The following AIFM1 variants were observed in gnomAD, a reference collection of about 807,000 sequenced individuals.
The protein encoded by AIFM1 is apoptosis-inducing factor 1, mitochondrial.
Under a neutral mutation model 51.7 loss-of-function variants are expected in AIFM1, and 3 were observed. That is an observed-to-expected ratio of 0.06 (90% CI 0.03 to 0.15). The LOEUF (loss-of-function observed/expected upper bound fraction) is 0.15, where lower values mean the gene tolerates loss of function less well. Ranked by LOEUF, AIFM1 falls within the 10% of genes least tolerant of loss-of-function variation. The pLI, the probability that AIFM1 is intolerant of heterozygous loss-of-function variation, is 1.00. For missense variants in AIFM1, 330 were observed against 476.8 expected (o/e 0.69, Z 2.87); for synonymous variants, 178 against 179.4 (o/e 0.99, Z 0.06).
chrX:130,165,541 G>A lies in AIFM1; in HGVS notation c.106+10C>T, dbSNP rs2031502459. On this transcript the variant is annotated intron_variant, in intron 1 of 15. Coordinates refer to ENST00000287295, the MANE Select transcript of AIFM1 (RefSeq NM_004208.4). Reference sequence around the variant, plus strand: ...TCGGACTTGGAGGTTGCCTGGAATGGGTCAGTCACCTGGGAGCCGGTTCCT... The same window carrying A: ...TCGGACTTGGAGGTTGCCTGGAATGAGTCAGTCACCTGGGAGCCGGTTCCT... 3.4e-6 allele frequency: 4 copies of A among 1,180,234 alleles called. No individual in the cohort carries two copies. Among genetic ancestry groups the A allele is most frequent in the Non-Finnish European group, 4.6e-6 (4 of 876,946 alleles).
At chrX:130,162,797 T>C (rs777459696) in intron 1 of AIFM1, among the ~76,000 whole-genome samples, 5 of 111,741 alleles carry the variant, frequency 4.5e-5, no homozygotes, top group African/African-American at 6.5e-5. Flanking sequence ...GGCAGCACTG[T>C]TTGGTGACCA....
intron 12 of AIFM1, 44 bp from the exon 13 acceptor site, chrX:130,133,499 A>G (rs1407779075): frequency 1.7e-6 from 2 of 1,203,041 alleles, no homozygotes; most frequent in South Asian, 3.6e-5. Flanking sequence ...TAAAAAAAAA[A>G]AAAGCAAGTT....
intron 12 of AIFM1, among the ~76,000 whole-genome samples, chrX:130,135,439 T>TAAAA (rs1556260137): frequency 2.4e-3 from 176 of 72,937 alleles, no homozygotes; most frequent in African/African-American, 9.9e-3. Context: ...TTTTTTTTTT[T>TAAAA]AAAAAAAAAA....
chrX:130,150,102 C>T (rs2030907784), intron 2 of AIFM1, among the ~76,000 whole-genome samples: 1 of 111,070 alleles, frequency 9.0e-6, no homozygotes, highest in Admixed American at 9.6e-5. Flanking sequence ...ATCATTCCCT[C>T]AATGGTCTAT....
chrX:130,136,755 G>C, intron 10 of AIFM1, 24 bp from the exon 11 acceptor site: 3 of 1,182,673 alleles, frequency 2.5e-6, no homozygotes, highest in Non-Finnish European at 3.5e-6. Context: ...CAAGACCTGA[G>C]AGTGAGCCTA....
At chrX:130,157,312 A>G (rs2031196219) in intron 1 of AIFM1, among the ~76,000 whole-genome samples, 1 of 112,590 alleles carries the variant, frequency 8.9e-6, no homozygotes, top group Non-Finnish European at 1.9e-5. Context: ...TGATCATAAC[A>G]GCACCTGTAC....
chrX:130,149,396 C>T, intron 3 of AIFM1, 73 bp downstream of exon 3: 3 of 893,069 alleles, frequency 3.4e-6, no homozygotes, highest in Non-Finnish European at 4.9e-6. Flanking sequence ...ATCCATAAAT[C>T]ACAGCACCCA....
Position 130,147,479 on chromosome X carries a change from A to G in AIFM1, c.605+14T>C, listed in dbSNP as rs368859964. The G allele has an allele frequency of 4.0e-5, 49 of 1,210,269 alleles. No homozygotes were observed. The highest frequency in any genetic ancestry group is 2.6e-4 in the African/African-American group (15 of 57,423). On this transcript the variant is annotated intron_variant, in intron 5 of 15. Coordinates refer to ENST00000287295, the MANE Select transcript of AIFM1 (RefSeq NM_004208.4). The stretch of plus-strand genomic sequence containing the variant: ...GCTGAAGTTGATAGGCTCATTTTAC[A>G]TAAGCAAACACACCTTCTCTCTTTT...
chrX:130,160,593 T>A (rs1381804256), intron 1 of AIFM1, among the ~76,000 whole-genome samples: 1 of 112,035 alleles, frequency 8.9e-6, no homozygotes, highest in East Asian at 2.8e-4. Context: ...CTATTAAAAT[T>A]TTTTTTAAAT....
intron 1 of AIFM1, among the ~76,000 whole-genome samples, chrX:130,164,827 C>G (rs2031476602): frequency 8.9e-6 from 1 of 111,859 alleles, no homozygotes; most frequent in Non-Finnish European, 1.9e-5. Context: ...CAAGTAATTT[C>G]ACCTCTCTGT....
In AIFM1 at chrX:130,137,162, T is replaced by C. The variant is rs199531131; in HGVS notation, c.991A>G (p.Ile331Val). The change falls in exon 10 of 16, where the codon ATT becomes GTT. Residue 331 changes from isoleucine to valine, a missense_variant. Transcript: ENST00000287295. ...TTTCCTTTCTCGGGGAAGAGTTGAA[T>C]CACTTCTGTGCCCAAGGCTCGAGCT... ...RKARALGTEV[I>V]QLFPEKGNMG... The C allele has an allele frequency of 8.3e-7, 1 of 1,209,464 alleles. No individual in the cohort carries two copies. Among genetic ancestry groups the C allele is most frequent in the African/African-American group, 1.8e-5 (1 of 57,009 alleles).
intron 2 of AIFM1, among the ~76,000 whole-genome samples, chrX:130,156,113 G>A (rs1431073921): frequency 4.5e-5 from 5 of 111,840 alleles, no homozygotes; most frequent in Non-Finnish European, 9.4e-5. Context: ...TTGTGCTAAG[G>A]AGCTGCAATG....
At position 130,145,357 on chromosome X, in the gene AIFM1, G is replaced by A. The variant is rs748858815; in HGVS notation, c.696+122C>T. 8.3e-5 allele frequency: 48 copies of A among 580,755 alleles called. No individual in the cohort carries two copies. In the East Asian group the frequency reaches 1.6e-3, roughly 20 times the overall value. 47.9% of individuals were successfully genotyped at this position (580,755 alleles called of 1,213,427 possible). ...AGCATTATTAAACCTAAAGCAGCTC[G>A]ATCCTTCTTTGATGAACTACAATGG... On this transcript the variant is annotated intron_variant, in intron 6 of 15. Transcript: ENST00000287295.
chrX:130,146,704 G>A lies in AIFM1; in HGVS notation c.605+789C>T, dbSNP rs753594629. ...TGTCCATCAAAAGGAAAAAGCTTCT[G>A]GACCTGTATCTCCAAGTCTGTCGTG... On this transcript the variant is annotated intron_variant, in intron 5 of 15. Transcript: ENST00000287295. 3.7e-4 allele frequency among the ~76,000 whole-genome samples: 41 copies of A among 111,037 alleles called. 1 individual carries two copies. The highest frequency in any genetic ancestry group is 1.3e-3 in the African/African-American group (40 of 30,528).
At chrX:130,164,425 C>G (rs1343190701) in intron 1 of AIFM1, among the ~76,000 whole-genome samples, 4 of 112,554 alleles carry the variant, frequency 3.6e-5, no homozygotes, top group Admixed American at 9.4e-5. Flanking sequence ...CCTAACAACC[C>G]AAGGAAAATA....
At chrX:130,151,642 T>C (rs1342286980) in intron 2 of AIFM1, among the ~76,000 whole-genome samples, 1 of 112,418 alleles carries the variant, frequency 8.9e-6, no homozygotes, top group Non-Finnish European at 1.9e-5. Context: ...ATGTATCGAA[T>C]AAATGAATTC....
intron 14 of AIFM1, 27 bp downstream of exon 14, chrX:130,131,648 C>G: frequency 8.3e-7 from 1 of 1,211,431 alleles, no homozygotes; most frequent in Non-Finnish European, 1.1e-6. Flanking sequence ...TCAACACTCT[C>G]CAAGAGGAGT....
intron 3 of AIFM1, 190 bp from the exon 4 acceptor site, chrX:130,148,066 T>C (rs1425380243): frequency 1.9e-6 from 1 of 518,842 alleles, no homozygotes; most frequent in East Asian, 3.7e-5. Flanking sequence ...TCCCTTTCAT[T>C]TCATAAGTGA....
At chrX:130,164,521 G>A (rs768510081) in intron 1 of AIFM1, among the ~76,000 whole-genome samples, 1 of 112,398 alleles carries the variant, frequency 8.9e-6, no homozygotes, top group East Asian at 2.8e-4. Context: ...AAATGCCCTA[G>A]GGGTGGACAT....
Sources: gnomAD v4.1 joint callset for allele counts (sites outside exome capture counted in the v4.1 genomes callset) on GRCh38, gnomAD v4.1.1 for gene constraint, MANE v1.5 for transcripts, NCBI Gene and HGNC (gene_info 2026-07-23, HGNC 2026-07-21) for gene names.